USP24: variants seen among roughly 807,000 people sequenced by gnomAD.
USP24 encodes the protein ubiquitin specific peptidase 24.
In USP24, 97 loss-of-function variants were observed where a neutral mutation model predicts 361.6. That is an observed-to-expected ratio of 0.27 (90% CI 0.23 to 0.32). The LOEUF (loss-of-function observed/expected upper bound fraction) is 0.32. USP24 is among the 10% of genes least tolerant of loss of function. USP24 has a pLI of 1.00. For synonymous variants in USP24, 1,098 were observed against 1,124.6 expected (o/e 0.98, Z 0.47); for missense variants, 2,353 against 3,165.6 (o/e 0.74, Z 6.16).
At chr1:55,158,291 T>C (rs1647904703) in intron 10 of USP24, among the ~76,000 whole-genome samples, 1 of 152,224 alleles carries the variant, frequency 6.6e-6, no homozygotes, top group Non-Finnish European at 1.5e-5. Context: ...ACTCCTCTTT[T>C]GGTCTAAAAT....
intron 47 of USP24, 74 bp downstream of exon 47, chr1:55,097,859 CTTAATACTGA>C: frequency 6.5e-7 from 1 of 1,527,026 alleles, no homozygotes. Flanking sequence ...ACAGTAGGAG[CTTAATACTGA>C]TTTTACATAA....
intron 26 of USP24, among the ~76,000 whole-genome samples, chr1:55,138,124 C>T (rs1202440953): frequency 1.3e-5 from 2 of 151,982 alleles, no homozygotes; most frequent in Non-Finnish European, 2.9e-5. Context: ...GGAATGAGAC[C>T]TCAAGCCCTT....
intron 1 of USP24, among the ~76,000 whole-genome samples, chr1:55,199,497 G>C (rs925809341): frequency 1.3e-5 from 2 of 152,022 alleles, no homozygotes; most frequent in Non-Finnish European, 2.9e-5. Context: ...CAGTTCTGTA[G>C]AATGTCTTTG....
rs1165658382 is a variant in USP24, at chr1:55,115,495, CAAAAAAAAA to C, written c.4508+5092_4508+5100del. ...TGGGCGACAGAGCGAGACTCCGCCT[CAAAAAAAAA>C]AAAAAAAAAAAAGGAAACAACAGAT... On this transcript the variant is annotated intron_variant, in intron 38 of 67. Coordinates refer to ENST00000294383, the MANE Select transcript of USP24 (RefSeq NM_015306.3). Among the ~76,000 whole-genome samples, 2 of 45,828 alleles carry C rather than the reference CAAAAAAAAA, an allele frequency of 4.4e-5. 1 individual carries two copies. The highest frequency in any genetic ancestry group is 8.0e-5 in the Non-Finnish European group (2 of 24,924). The allele number at this position is 45,828 out of a possible 152,430, so 30.1% of individuals were successfully genotyped here. A position where few individuals can be genotyped will look rare whatever the true frequency, so the allele number is the denominator to read the frequency against.
chr1:55,101,047 A>C (rs1273359785), intron 43 of USP24, 83 bp from the exon 44 acceptor site: 4 of 1,466,028 alleles, frequency 2.7e-6, no homozygotes, highest in South Asian at 1.5e-5. Context: ...GTTAGTACCC[A>C]CATTGCTTTT....
intron 55 of USP24, among the ~76,000 whole-genome samples, chr1:55,087,834 G>C (rs974307225): frequency 6.6e-6 from 1 of 152,208 alleles, no homozygotes; most frequent in African/African-American, 2.4e-5. Flanking sequence ...GCCTCTCAGA[G>C]CAAATGCTAT....
At chr1:55,084,013 T>G in intron 56 of USP24, 125 bp from the exon 57 acceptor site, 1 of 744,984 alleles carries the variant, frequency 1.3e-6, no homozygotes. Flanking sequence ...CAGTCTCAGA[T>G]TCAGATGGAC....
chr1:55,175,409 G>A (rs1649881920), intron 3 of USP24, among the ~76,000 whole-genome samples: 1 of 151,570 alleles, frequency 6.6e-6, no homozygotes. Context: ...TGCATTTTTA[G>A]TAGAGATAGG....
At chr1:55,101,030 T>C in intron 43 of USP24, 66 bp from the exon 44 acceptor site, 3 of 1,548,060 alleles carry the variant, frequency 1.9e-6, no homozygotes, top group Non-Finnish European at 1.7e-6. Context: ...CTCTGACATA[T>C]GTACATGTTA....
chr1:55,095,147 T>G, intron 51 of USP24, 108 bp downstream of exon 51: 1 of 1,268,722 alleles, frequency 7.9e-7, no homozygotes, highest in Non-Finnish European at 1.0e-6. Flanking sequence ...TTTTTAGAAT[T>G]TCTCTCCAGC....
In USP24 at chr1:55,129,580, G is replaced by A. The variant is rs1448772610; in HGVS notation, c.3538-6C>T. The A allele has an allele frequency of 2.5e-6, 4 of 1,610,872 alleles. No individual in the cohort carries two copies. Among genetic ancestry groups the A allele is most frequent in the South Asian group, 2.2e-5 (2 of 90,818 alleles). ...ATGAGTTTGGAGCTTAGAACCTAGG[G>A]AACAGATAAGCACAATTATTCATCC... On this transcript the variant is annotated splice_polypyrimidine_tract_variant and splice_region_variant and intron_variant, in intron 31 of 67. Coordinates refer to ENST00000294383, the MANE Select transcript of USP24 (RefSeq NM_015306.3).
intron 1 of USP24, among the ~76,000 whole-genome samples, chr1:55,191,384 C>T (rs1203705431): frequency 1.3e-5 from 2 of 152,066 alleles, no homozygotes; most frequent in South Asian, 4.1e-4. Context: ...CTTTATAGTG[C>T]CATAAATATG....
At chr1:55,074,674 AT>A (rs1300387640) in intron 63 of USP24, among the ~76,000 whole-genome samples, 26 of 150,226 alleles carry the variant, frequency 1.7e-4, no homozygotes, top group Non-Finnish European at 2.8e-4. Flanking sequence ...AAATAAATAA[AT>A]AAATAAAAAT....
intron 1 of USP24, among the ~76,000 whole-genome samples, chr1:55,195,602 C>T (rs1238666760): frequency 6.6e-6 from 1 of 152,112 alleles, no homozygotes; most frequent in Non-Finnish European, 1.5e-5. Context: ...CATAAGGAGG[C>T]CCATTCAGCC....
chr1:55,133,610 T>A (rs974247270), intron 30 of USP24, among the ~76,000 whole-genome samples: 1 of 151,684 alleles, frequency 6.6e-6, no homozygotes, highest in Non-Finnish European at 1.5e-5. Flanking sequence ...CTGATTTCCA[T>A]TTATAGCAAA....
At chr1:55,117,502 G>A (rs867960829) in intron 38 of USP24, among the ~76,000 whole-genome samples, 2 of 152,106 alleles carry the variant, frequency 1.3e-5, no homozygotes, top group Admixed American at 6.5e-5. Flanking sequence ...GCCGAGGCGG[G>A]TGGATCATGA....
chr1:55,164,320 G>C (rs760358268), intron 7 of USP24, among the ~76,000 whole-genome samples: 1 of 151,998 alleles, frequency 6.6e-6, no homozygotes, highest in African/African-American at 2.4e-5. Flanking sequence ...CGTTACCTAG[G>C]TATGTGTGTG....
chr1:55,073,775 G>GT, intron 64 of USP24, 53 bp downstream of exon 64: 1 of 1,494,226 alleles, frequency 6.7e-7, no homozygotes, highest in South Asian at 1.2e-5. Flanking sequence ...CTGCTCATAT[G>GT]TGACTTGTAA....
chr1:55,141,796 G>T, intron 23 of USP24, 65 bp from the exon 24 acceptor site: 1 of 1,447,888 alleles, frequency 6.9e-7, no homozygotes, highest in Non-Finnish European at 9.5e-7. Context: ...TGACATTCTG[G>T]ACAGGATAAT....
Sources: allele counts gnomAD v4.1 joint callset (sites outside exome capture counted in the v4.1 genomes callset), GRCh38; gene constraint gnomAD v4.1.1; transcripts MANE v1.5; gene names NCBI Gene and HGNC (gene_info 2026-07-23, HGNC 2026-07-21).